Variants in COA8 observed in about 807,000 individuals in gnomAD.
The protein encoded by COA8 is UPF0671 protein C14orf153.
Under a neutral mutation model 22.0 loss-of-function variants are expected in COA8, and 20 were observed. The ratio of observed to expected loss-of-function variants is 0.91; its 90% CI spans 0.64 to 1.32. The LOEUF (loss-of-function observed/expected upper bound fraction) is 1.32. Ranked by LOEUF, COA8 falls within the 40% of genes most tolerant of loss-of-function variation. The pLI is 0.00. For synonymous variants in COA8, 105 were observed against 79.9 expected (o/e 1.31, Z -1.68); for missense variants, 266 against 230.0 (o/e 1.16, Z -1.01).
Position 103,563,057 on chromosome 14 carries a change from T to G in COA8, c.56T>G (p.Phe19Cys). 6.5e-7 allele frequency: 1 copy of G among 1,539,020 alleles called. No homozygotes were observed. Among genetic ancestry groups the G allele is most frequent in the Non-Finnish European group, 8.7e-7 (1 of 1,147,860 alleles). Residue 19 changes from phenylalanine to cysteine, a missense_variant, in exon 1 of 5, where the codon TTC (phenylalanine) becomes TGC (cysteine). By Grantham distance (205) the Phe-to-Cys change is radical. Transcript: ENST00000409074. ...KTFLPPLCRA[F>C]ACRGCQLAPE... is the part of the protein sequence containing the mutation. ...TTTCTCCCCCCTCTCTGCCGCGCCT[T>G]CGCCTGCCGCGGCTGTCAACTCGCT...
chr14:103,589,407 G>GT (rs2151189330), intron 4 of COA8, among the ~76,000 whole-genome samples: 1 of 152,226 alleles, frequency 6.6e-6, no homozygotes, highest in East Asian at 1.9e-4. Context: ...CAGAGTGGTC[G>GT]TGGCCCATCA....
At chr14:103,571,563 A>G (rs2076184395) in intron 1 of COA8, 60 bp from the exon 2 acceptor site, 2 of 1,446,740 alleles carry the variant, frequency 1.4e-6, no homozygotes, top group Non-Finnish European at 1.9e-6. Flanking sequence ...TCCAGATTGT[A>G]CATTTTATAA....
At position 103,562,989 on chromosome 14, in the gene COA8, G is replaced by A; in HGVS notation, c.-13G>A. 6.5e-7 allele frequency: 1 copy of A among 1,542,294 alleles called. No individual in the cohort carries two copies. Among genetic ancestry groups the A allele is most frequent in the South Asian group, 1.2e-5 (1 of 85,250 alleles). Reference sequence around the variant, plus strand: ...TGCTGCCGTGCGCCGCGGGAGCCAGGGGGCGTGGGGCCATGGTGGTCTTGC... The same window carrying A: ...TGCTGCCGTGCGCCGCGGGAGCCAGAGGGCGTGGGGCCATGGTGGTCTTGC... On this transcript the variant is annotated 5_prime_UTR_variant, in exon 1 of 5. Transcript: ENST00000409074.
Position 103,590,231 on chromosome 14 carries a change from C to G in COA8, c.527C>G (p.Ala176Gly), listed in dbSNP as rs529483936. ...ATCACCTTCTTCATGGGAAAAGTGG[C>G]CCTGGAAAGGATTTGGAACAAGCTT... ...FAITFFMGKV[A>G]LERIWNKLKQ... The change falls in exon 5 of 5, where the codon GCC becomes GGC. Residue 176 changes from alanine (A) to glycine (G), a missense_variant. Ala to Gly is a moderately conservative substitution (Grantham distance 60). Coordinates refer to ENST00000409074, the MANE Select transcript of COA8 (RefSeq NM_001370595.2). 6.2e-7 allele frequency: 1 copy of G among 1,614,050 alleles called. No individual in the cohort carries two copies. Among genetic ancestry groups the G allele is most frequent in the Middle Eastern group, 1.6e-4 (1 of 6,062 alleles).
In COA8 at chr14:103,582,056, C is replaced by T. The variant is rs540893384; in HGVS notation, c.386-5218C>T. Among the ~76,000 whole-genome samples, 275 of 152,300 alleles carry T rather than the reference C, an allele frequency of 1.8e-3. 1 individual carries two copies. The highest frequency in any genetic ancestry group is 5.7e-3 in the African/African-American group (236 of 41,574). On this transcript the variant is annotated intron_variant, in intron 3 of 4. Coordinates refer to ENST00000409074, the MANE Select transcript of COA8 (RefSeq NM_001370595.2). ...GCACCTTCAGGGAAAGGCAGTCTGC[C>T]GGGGAGGCTAGCGAGCACCCTGGGT...
At chr14:103,572,647 T>A (rs1206645772) in intron 2 of COA8, among the ~76,000 whole-genome samples, 1 of 151,898 alleles carries the variant, frequency 6.6e-6, no homozygotes, top group Non-Finnish European at 1.5e-5. Flanking sequence ...CAAGAATTGC[T>A]TGAACCCAGG....
At chr14:103,579,338 T>C (rs1435753672) in intron 3 of COA8, 2 of 215,806 alleles carry the variant, frequency 9.3e-6, no homozygotes, top group Non-Finnish European at 1.9e-5. Flanking sequence ...CAATAAAATA[T>C]TGAAAATAAA....
At chr14:103,567,926 T>C (rs2076147041) in intron 1 of COA8, among the ~76,000 whole-genome samples, 1 of 152,174 alleles carries the variant, frequency 6.6e-6, no homozygotes, top group African/African-American at 2.4e-5. Flanking sequence ...GAGACTGTTT[T>C]CATTGACTTT....
At chr14:103,589,286 C>T (rs904016994) in intron 4 of COA8, among the ~76,000 whole-genome samples, 2 of 152,106 alleles carry the variant, frequency 1.3e-5, no homozygotes, top group African/African-American at 4.8e-5. Flanking sequence ...CTCCTGGAAG[C>T]GCTTATTTAC....
At chr14:103,585,388 A>G (rs1388742830) in intron 3 of COA8, among the ~76,000 whole-genome samples, 1 of 149,920 alleles carries the variant, frequency 6.7e-6, no homozygotes, top group Non-Finnish European at 1.5e-5. Context: ...CTGAGGCAGG[A>G]GAATTGCTTG....
intron 1 of COA8, among the ~76,000 whole-genome samples, chr14:103,569,875 G>A (rs939588159): frequency 3.3e-5 from 5 of 150,442 alleles, no homozygotes; most frequent in African/African-American, 1.2e-4. Context: ...GTTTTTTTTT[G>A]AGACGGAGTC....
Position 103,563,174 on chromosome 14 carries a change from AGACAAACCCGGGCCTCGGG to A in COA8, c.123+52_123+70del, listed in dbSNP as rs563090973. 1.0e-2 allele frequency: 15,348 copies of A among 1,536,362 alleles called. 108 individuals are homozygous for A. The highest frequency in any genetic ancestry group is 0.012 in the Non-Finnish European group (13,593 of 1,146,906). ...GGCCGGGAGGGGTGACCGGAAGGGA[AGACAAACCCGGGCCTCGGG>A]GCCACTCCCTGTTCTGCACAGCCGC... is the stretch of plus-strand genomic sequence containing the variant. On this transcript the variant is annotated intron_variant, in intron 1 of 4. Transcript: ENST00000409074.
At chr14:103,572,010 C>G (rs528520630) in intron 2 of COA8, among the ~76,000 whole-genome samples, 190 bp downstream of exon 2, 1 of 152,128 alleles carries the variant, frequency 6.6e-6, no homozygotes, top group East Asian at 1.9e-4. Context: ...GCCTGTAGTT[C>G]CAGCTACTCG....
At chr14:103,569,938 C>A (rs761967825) in intron 1 of COA8, among the ~76,000 whole-genome samples, 15 of 152,168 alleles carry the variant, frequency 9.9e-5, no homozygotes, top group Admixed American at 5.9e-4. Context: ...CTCACTGCAA[C>A]CTCTGCCTCC....
At chr14:103,572,550 C>T (rs1024400525) in intron 2 of COA8, among the ~76,000 whole-genome samples, 2 of 151,864 alleles carry the variant, frequency 1.3e-5, no homozygotes, top group Admixed American at 6.6e-5. Flanking sequence ...GCCAACGTAG[C>T]GAAACCTTAT....
At chr14:103,578,862 A>G (rs1248720479) in intron 3 of COA8, among the ~76,000 whole-genome samples, 3 of 152,178 alleles carry the variant, frequency 2.0e-5, no homozygotes, top group Non-Finnish European at 4.4e-5. Flanking sequence ...CAGTGACCAC[A>G]AGCAAGCACT....
At position 103,563,077 on chromosome 14, in the gene COA8, C is replaced by G. The variant is rs2076099192; in HGVS notation, c.76C>G (p.Leu26Val). ...CGCCTTCGCCTGCCGCGGCTGTCAA[C>G]TCGCTCCGGAGCGCGGCGCCGAGCG... ...CRAFACRGCQ[L>V]APERGAERRD... Residue 26 changes from leucine to valine, a missense_variant, in exon 1 of 5, where the codon CTC becomes GTC. Physicochemically the swap from Leu to Val is conservative, Grantham distance 32. Coordinates refer to ENST00000409074, the MANE Select transcript of COA8 (RefSeq NM_001370595.2). The G allele has an allele frequency of 2.6e-6, 4 of 1,541,186 alleles. No individual in the cohort carries two copies. The South Asian group carries it at 4.7e-5, about 18-fold the overall frequency.
rs11337243 is a variant in COA8, at chr14:103,574,078, CTTTTTTTTTTTT to C, written c.322-15_322-4del. The C allele has an allele frequency of 4.8e-5, 49 of 1,013,652 alleles. No homozygotes were observed. In the East Asian group the frequency reaches 5.8e-4, roughly 12 times the overall value. The allele number at this position is 1,013,652 out of a possible 1,614,324, so 62.8% of individuals were successfully genotyped here. A position where few individuals can be genotyped will look rare whatever the true frequency, so the allele number is the denominator to read the frequency against. On this transcript the variant is annotated splice_polypyrimidine_tract_variant and intron_variant, in intron 2 of 4. Coordinates refer to ENST00000409074, the MANE Select transcript of COA8 (RefSeq NM_001370595.2). ...AGACAGAGAAAGGAGTTCTGAGAGC[CTTTTTTTTTTTT>C]TTTTTTTTTTTTTAAGGAAAAAGAA...
In COA8 at chr14:103,563,104, A is replaced by G. The variant is rs1448501036; in HGVS notation, c.103A>G (p.Arg35Gly). ...CGCTCCGGAGCGCGGCGCCGAGCGC[A>G]GGGATACGGCGCCCAGCGGGGTAAG... ...QLAPERGAERRDTAPSGVSRF... is the reference protein window; with the variant it reads ...QLAPERGAERGDTAPSGVSRF... Residue 35 changes from arginine to glycine, a missense_variant, in exon 1 of 5, where the codon AGG becomes GGG. Transcript: ENST00000409074. 3 of 1,539,780 alleles carry G rather than the reference A, an allele frequency of 1.9e-6. No homozygotes were observed. Among genetic ancestry groups the G allele is most frequent in the South Asian group, 2.4e-5 (2 of 84,278 alleles).
Sources: gnomAD v4.1 joint callset for allele counts (sites outside exome capture counted in the v4.1 genomes callset) on GRCh38, gnomAD v4.1.1 for gene constraint, MANE v1.5 for transcripts, NCBI Gene and HGNC (gene_info 2026-07-23, HGNC 2026-07-21) for gene names.